PKD1L3: variants seen among roughly 807,000 people sequenced by gnomAD.
The protein encoded by PKD1L3 is polycystin-1-like protein 3.
In PKD1L3, 239 loss-of-function variants were observed where a neutral mutation model predicts 184.1. The ratio of observed to expected loss-of-function variants is 1.30; its 90% confidence interval spans 1.17 to 1.45. The LOEUF (loss-of-function observed/expected upper bound fraction) is 1.45. Ranked by LOEUF, PKD1L3 falls within the 40% of genes most tolerant of loss-of-function variation. The pLI is 0.00. For missense variants in PKD1L3, 2,660 were observed against 2,067.2 expected (o/e 1.29, Z -5.56); for synonymous variants, 996 against 778.8 (o/e 1.28, Z -4.64).
At chr16:71,945,077 TAA>T (rs60399525) in intron 22 of PKD1L3, among the ~76,000 whole-genome samples, 108,392 of 149,988 alleles carry the variant, frequency 0.72, 39,821 homozygotes, top group East Asian at 0.98. Context: ...GCCAAATTGT[TAA>T]AGTTTTTAAA....
Position 71,944,694 on chromosome 16 carries a change from G to GTT in PKD1L3, c.3719-526_3719-525dup, listed in dbSNP as rs1274386722. Among the ~76,000 whole-genome samples the GTT allele has an allele frequency of 7.1e-4, 54 of 76,078 alleles. 1 individual carries two copies. Among genetic ancestry groups the GTT allele is most frequent in the East Asian group, 1.2e-3 (1 of 824 alleles). The allele number at this position is 76,078 out of a possible 152,430, so 49.9% of individuals were successfully genotyped here. ...TGGGCAACATAGCAAGACCATATCT[G>GTT]TTTTTTGTTTGTTTTTTTTTTTTGA... is the stretch of plus-strand genomic sequence containing the variant. On this transcript the variant is annotated intron_variant, in intron 22 of 29. Transcript: ENST00000620267.
chr16:71,940,715 G>C (rs1488642015), intron 24 of PKD1L3, among the ~76,000 whole-genome samples: 2 of 152,084 alleles, frequency 1.3e-5, no homozygotes, highest in Non-Finnish European at 2.9e-5. Flanking sequence ...AGCCAGGCTA[G>C]TCTCAAACTC....
intron 26 of PKD1L3, among the ~76,000 whole-genome samples, chr16:71,934,380 C>T (rs2038101732): frequency 2.0e-5 from 3 of 152,152 alleles, no homozygotes; most frequent in Admixed American, 6.5e-5. Flanking sequence ...AAAATGTGAC[C>T]TCTAGCTGAT....
chr16:71,971,640 C>T (rs2039713913), intron 12 of PKD1L3, among the ~76,000 whole-genome samples: 1 of 152,218 alleles, frequency 6.6e-6, no homozygotes. Flanking sequence ...TATGGTTTCC[C>T]TAACAAGCAG....
chr16:71,974,347 G>A (rs555517469), intron 11 of PKD1L3, among the ~76,000 whole-genome samples: 15 of 152,212 alleles, frequency 9.9e-5, no homozygotes, highest in African/African-American at 3.4e-4. Context: ...GGCCCCTTCC[G>A]GCTCTGAATG....
chr16:71,938,470 C>G (rs1166716249), intron 24 of PKD1L3, among the ~76,000 whole-genome samples: 1 of 152,218 alleles, frequency 6.6e-6, no homozygotes, highest in Non-Finnish European at 1.5e-5. Flanking sequence ...AGGGGCAGGT[C>G]CCCAGTAAAG....
chr16:71,994,317 T>C (rs540532698), intron 2 of PKD1L3, among the ~76,000 whole-genome samples: 31 of 152,130 alleles, frequency 2.0e-4, no homozygotes, highest in Non-Finnish European at 3.8e-4. Flanking sequence ...CTCAGTCTCA[T>C]TCTTAGGTCA....
intron 19 of PKD1L3, 113 bp from the exon 20 acceptor site, chr16:71,950,423 A>G (rs1342387666): frequency 1.2e-5 from 11 of 953,968 alleles, no homozygotes; most frequent in African/African-American, 3.3e-5. Flanking sequence ...TCCCACTACT[A>G]GCAGAGATTG....
intron 28 of PKD1L3, 63 bp from the exon 29 acceptor site, chr16:71,930,246 G>GATCCCAAACA: frequency 7.6e-6 from 11 of 1,441,728 alleles, no homozygotes; most frequent in Non-Finnish European, 9.2e-6. Context: ...ACAAACATAA[G>GATCCCAAACA]CTATATGCTA....
chr16:71,953,794 C>A (rs956287670), intron 17 of PKD1L3, among the ~76,000 whole-genome samples: 3 of 152,230 alleles, frequency 2.0e-5, no homozygotes, highest in Non-Finnish European at 2.9e-5. Context: ...GTCCTCCCCC[C>A]GCCCCAACAC....
rs1475995746 is a variant in PKD1L3 at position 71,999,895 on chromosome 16, T to C, written c.84A>G (p.Pro28=). 6.4e-7 allele frequency: 1 copy of C among 1,551,718 alleles called. No homozygotes were observed. The highest frequency in any genetic ancestry group is 8.7e-7 in the Non-Finnish European group (1 of 1,147,004). Residue 28 remains proline (P), a synonymous_variant, in exon 1 of 30, where the codon CCA becomes CCG. Transcript: ENST00000620267. ...ILGSELNSPA[P]HGQNNCYQLN... ...GCTGGTAACAATTATTTTGCCCATG[T>C]GGTGCTGGGCTGTTTAGCTCACTTC...
chr16:71,984,519 G>T (rs1217761600), intron 5 of PKD1L3, among the ~76,000 whole-genome samples: 1 of 152,226 alleles, frequency 6.6e-6, no homozygotes, highest in Non-Finnish European at 1.5e-5. Flanking sequence ...TCAGAAGTAT[G>T]TTTTCCTCTC....
intron 12 of PKD1L3, 49 bp downstream of exon 12, chr16:71,973,275 A>T: frequency 6.5e-7 from 1 of 1,528,268 alleles, no homozygotes. Flanking sequence ...ATTGGGCTTA[A>T]CAGTAGCTAT....
chr16:71,931,070 C>G (rs1373089602), intron 28 of PKD1L3: 3 of 147,866 alleles, frequency 2.0e-5, no homozygotes, highest in Non-Finnish European at 4.5e-5. Flanking sequence ...TACAATTTTA[C>G]TGTTTATTTT....
chr16:71,951,677 G>T lies in PKD1L3; in HGVS notation c.3077C>A (p.Pro1026Gln). ...NTYLLSKCEQ[P>Q]PWSSWDITKL... Reference sequence around the variant, plus strand: ...AGTAATGTCCCAAGAACTCCATGGCGGCTGCTCACACTTGGAGAGTAGGTA... The same window carrying T: ...AGTAATGTCCCAAGAACTCCATGGCTGCTGCTCACACTTGGAGAGTAGGTA... Residue 1026 changes from proline to glutamine, a missense_variant, in exon 19 of 30, where the codon CCG (proline) becomes CAG (glutamine). Physicochemically the swap from Pro to Gln is moderately conservative, Grantham distance 76. Transcript: ENST00000620267. 1 of 1,551,582 alleles carries T rather than the reference G, an allele frequency of 6.4e-7. No homozygotes were observed. The highest frequency in any genetic ancestry group is 1.4e-5 in the African/African-American group (1 of 73,136).
At chr16:71,929,973 G>C in intron 29 of PKD1L3, 79 bp downstream of exon 29, 1 of 1,408,200 alleles carries the variant, frequency 7.1e-7, no homozygotes, top group South Asian at 1.4e-5. Context: ...AATTATGTCA[G>C]CCCGTCATCT....
At chr16:71,964,366 T>G (rs2039411806) in intron 15 of PKD1L3, among the ~76,000 whole-genome samples, 1 of 118,684 alleles carries the variant, frequency 8.4e-6, no homozygotes, top group Admixed American at 1.1e-4. Context: ...TGAGACAGAG[T>G]TTCACTCTCT....
At position 71,978,287 on chromosome 16, in the gene PKD1L3, G is replaced by A. The variant is rs1375391276; in HGVS notation, c.1495C>T (p.Leu499Phe). The A allele has an allele frequency of 3.9e-6, 6 of 1,550,132 alleles. No homozygotes were observed. The highest frequency in any genetic ancestry group is 4.4e-6 in the Non-Finnish European group (5 of 1,146,120). ...SVLLSANRKL[L>F]QVHDLMEDIE... ...TCCTCCATTAAATCATGGACTTGGA[G>A]CAATTTACGATTAGCGCTTAGTAAC... The change falls in exon 10 of 30, where the codon CTC becomes TTC. Residue 499 changes from leucine to phenylalanine, a missense_variant. Coordinates refer to ENST00000620267, the MANE Select transcript of PKD1L3 (RefSeq NM_181536.2).
intron 11 of PKD1L3, among the ~76,000 whole-genome samples, chr16:71,974,022 ATATT>A (rs1284461800): frequency 1.5e-5 from 2 of 135,266 alleles, no homozygotes; most frequent in African/African-American, 2.8e-5. Flanking sequence ...AAAAATATAT[ATATT>A]CTTCTGGTAT....
Sources: allele counts gnomAD v4.1 joint callset (sites outside exome capture counted in the v4.1 genomes callset), GRCh38; gene constraint gnomAD v4.1.1; transcripts MANE v1.5; gene names NCBI Gene and HGNC (gene_info 2026-07-23, HGNC 2026-07-21).